The following GRK5 variants were observed in gnomAD, a reference collection of about 807,000 sequenced individuals.
The protein encoded by GRK5 is g protein-coupled receptor kinase GRK5.
In GRK5, 40 loss-of-function variants were observed where a neutral mutation model predicts 78.4. The ratio of observed to expected loss-of-function variants is 0.51; its 90% CI spans 0.40 to 0.66. The LOEUF is 0.66. Ranked by LOEUF, GRK5 falls within the 30% of genes least tolerant of loss-of-function variation. The pLI is 0.00. For missense variants in GRK5, 598 were observed against 759.9 expected, an observed-to-expected ratio of 0.79 and a Z score of 2.50; for synonymous variants, 289 against 296.8, an observed-to-expected ratio of 0.97 and a Z score of 0.27.
At chr10:119,421,154 C>G (rs1038389259) in intron 4 of GRK5, among the ~76,000 whole-genome samples, 1 of 152,242 alleles carries the variant, frequency 6.6e-6, no homozygotes, top group Non-Finnish European at 1.5e-5. Flanking sequence ...ACAACCAGCA[C>G]CAGCTCCGTG....
Position 119,448,131 on chromosome 10 carries a change from G to A in GRK5, c.1275G>A (p.Thr425=), listed in dbSNP as rs972566225. The change falls in exon 13 of 16, where the codon ACG becomes ACA. Residue 425 remains threonine (T), a synonymous_variant. Coordinates refer to ENST00000392870, the MANE Select transcript of GRK5 (RefSeq NM_005308.3). The part of the protein sequence containing the change: ...EAKSICKMLL[T]KDAKQRLGCQ... ...GGGGCTCTCTGTTTCAGCTGCTCAC[G>A]AAAGATGCGAAGCAGAGGCTGGGCT... 1.2e-5 allele frequency: 18 copies of A among 1,553,408 alleles called. No individual in the cohort carries two copies. The highest frequency in any genetic ancestry group is 5.7e-5 in the African/African-American group (4 of 70,640).
At chr10:119,261,949 G>A (rs1471230927) in intron 1 of GRK5, among the ~76,000 whole-genome samples, 3 of 152,074 alleles carry the variant, frequency 2.0e-5, no homozygotes, top group Middle Eastern at 3.4e-3. Flanking sequence ...GGAGAGGACC[G>A]TCTGCTTTAA....
chr10:119,268,421 G>A (rs1248631657), intron 1 of GRK5, among the ~76,000 whole-genome samples: 1 of 152,202 alleles, frequency 6.6e-6, no homozygotes, highest in Non-Finnish European at 1.5e-5. Context: ...TGGTCCTGAT[G>A]TCTGAGGACC....
chr10:119,398,105 A>C (rs888638768), intron 4 of GRK5, among the ~76,000 whole-genome samples: 3 of 152,204 alleles, frequency 2.0e-5, no homozygotes, highest in African/African-American at 7.2e-5. Flanking sequence ...GGGCCTTGCT[A>C]TGCTCCAGAT....
intron 2 of GRK5, among the ~76,000 whole-genome samples, chr10:119,375,321 T>C (rs1309027051): frequency 6.6e-6 from 1 of 152,154 alleles, no homozygotes; most frequent in Non-Finnish European, 1.5e-5. Flanking sequence ...CCCCATTCTC[T>C]CTGGCTTTGA....
intron 4 of GRK5, among the ~76,000 whole-genome samples, chr10:119,421,894 T>C (rs947878781): frequency 1.3e-5 from 2 of 152,158 alleles, no homozygotes; most frequent in Non-Finnish European, 2.9e-5. Context: ...AACAAGCCAC[T>C]GATTCCATTC....
At chr10:119,377,758 A>G (rs1451537169) in intron 2 of GRK5, among the ~76,000 whole-genome samples, 3 of 152,238 alleles carry the variant, frequency 2.0e-5, no homozygotes, top group African/African-American at 7.2e-5. Flanking sequence ...AATATGGCAC[A>G]TGAAATCTCA....
chr10:119,302,062 C>G (rs970594611), intron 1 of GRK5, among the ~76,000 whole-genome samples: 3 of 152,192 alleles, frequency 2.0e-5, no homozygotes, highest in African/African-American at 4.8e-5. Context: ...CGTTGGCTTC[C>G]TGGACTTTTT....
Position 119,412,254 on chromosome 10 carries a change from G to A in GRK5, c.340-10912G>A, listed in dbSNP as rs1029818067. Reference sequence around the variant, plus strand: ...GGCACAGTGAGAGCCTTCCAGCCTCGATCACAAGGACCTCTACCCACAGGC... The same window carrying A: ...GGCACAGTGAGAGCCTTCCAGCCTCAATCACAAGGACCTCTACCCACAGGC... On this transcript the variant is annotated intron_variant, in intron 4 of 15. Transcript: ENST00000392870. This position sits in a 1 kb window ranked among gnomAD's most constrained non-coding sequence, Gnocchi z 4.3. Among the ~76,000 whole-genome samples, 8 of 152,256 alleles carry A rather than the reference G, an allele frequency of 5.3e-5. No individual in the cohort carries two copies. Among genetic ancestry groups the A allele is most frequent in the South Asian group, 2.1e-4 (1 of 4,820 alleles).
chr10:119,369,185 G>T (rs1262505019), intron 2 of GRK5, among the ~76,000 whole-genome samples: 1 of 152,184 alleles, frequency 6.6e-6, no homozygotes, highest in African/African-American at 2.4e-5. Context: ...CGGTCTGGGT[G>T]TGGCCTAGGA....
intron 2 of GRK5, among the ~76,000 whole-genome samples, chr10:119,345,200 C>T (rs1414706307): frequency 1.3e-5 from 2 of 152,140 alleles, no homozygotes; most frequent in Non-Finnish European, 2.9e-5. Context: ...GATCTCCTGA[C>T]CTCATGATCC....
chr10:119,210,777 C>T (rs1848474080), intron 1 of GRK5, among the ~76,000 whole-genome samples: 1 of 152,144 alleles, frequency 6.6e-6, no homozygotes, highest in Non-Finnish European at 1.5e-5. Flanking sequence ...TTGTCCCAAA[C>T]AATAGAGAAA....
At chr10:119,350,011 C>T (rs910424321) in intron 2 of GRK5, among the ~76,000 whole-genome samples, 5 of 152,214 alleles carry the variant, frequency 3.3e-5, no homozygotes, top group African/African-American at 1.2e-4. Flanking sequence ...GAAATTGCCT[C>T]GGTCACCCAC....
intron 1 of GRK5, among the ~76,000 whole-genome samples, chr10:119,277,919 G>A (rs1161732602): frequency 1.3e-5 from 2 of 152,184 alleles, no homozygotes; most frequent in African/African-American, 4.8e-5. Context: ...TGGCGTATCA[G>A]TAGTTCATTC....
In GRK5 at chr10:119,438,667, C is replaced by G. The variant is rs117179555; in HGVS notation, c.930-1064C>G. On this transcript the variant is annotated intron_variant, in intron 9 of 15. Coordinates refer to ENST00000392870, the MANE Select transcript of GRK5 (RefSeq NM_005308.3). ...GGGAAAGAGAACCACAGTGCCTCCT[C>G]CCTGGCTGTGACCACTCACCACGGC... 1.3e-3 allele frequency among the ~76,000 whole-genome samples: 201 copies of G among 152,360 alleles called. 3 individuals are homozygous for G. The East Asian group carries it at 0.024, about 18-fold the overall frequency.
chr10:119,238,434 C>T lies in GRK5; in HGVS notation c.52+30465C>T, dbSNP rs1372251884. Among the ~76,000 whole-genome samples, 1 of 152,188 alleles carries T rather than the reference C, an allele frequency of 6.6e-6. No homozygotes were observed. Among genetic ancestry groups the T allele is most frequent in the Non-Finnish European group, 1.5e-5 (1 of 68,040 alleles). Reference sequence around the variant, plus strand: ...CTGGCACTGGGATGGACCCAATGGTCTCCCCAGCCTTCTTTGTTCTGATAC... The same window carrying T: ...CTGGCACTGGGATGGACCCAATGGTTTCCCCAGCCTTCTTTGTTCTGATAC... On this transcript the variant is annotated intron_variant, in intron 1 of 15. Transcript: ENST00000392870. The surrounding 1 kb of genome is among the most constrained non-coding windows in gnomAD (Gnocchi z 4.7).
chr10:119,248,319 G>A (rs901230199), intron 1 of GRK5, among the ~76,000 whole-genome samples: 10 of 152,120 alleles, frequency 6.6e-5, no homozygotes, highest in East Asian at 1.9e-4. Context: ...GGCTGTTGTC[G>A]TTATTTTTGA....
intron 2 of GRK5, among the ~76,000 whole-genome samples, chr10:119,329,816 C>T (rs1209257584): frequency 1.3e-5 from 2 of 151,288 alleles, no homozygotes; most frequent in East Asian, 1.9e-4. Context: ...AGAACTGTCC[C>T]GTTTCTGCTA....
At chr10:119,285,963 T>C (rs1210637776) in intron 1 of GRK5, among the ~76,000 whole-genome samples, 6 of 150,476 alleles carry the variant, frequency 4.0e-5, no homozygotes, top group Admixed American at 2.7e-4. Context: ...TGCAAGCTCA[T>C]ATTAGATGCT....
Sources: allele counts gnomAD v4.1 joint callset (sites outside exome capture counted in the v4.1 genomes callset), GRCh38; gene constraint gnomAD v4.1.1; non-coding constraint Gnocchi (gnomAD v3.1); transcripts MANE v1.5; gene names NCBI Gene and HGNC (gene_info 2026-07-23, HGNC 2026-07-21).